VWA8: variants seen among roughly 807,000 people sequenced by gnomAD.
VWA8 encodes the protein von Willebrand factor A domain containing 8, also known as von Willebrand factor A domain-containing protein 8.
Under a neutral mutation model 241.5 loss-of-function variants are expected in VWA8, and 221 were observed. That is an observed-to-expected ratio of 0.91 (90% CI 0.82 to 1.02). The LOEUF (loss-of-function observed/expected upper bound fraction) is 1.02. VWA8 is among the 50% of genes least tolerant of loss of function. The probability of loss-of-function intolerance (pLI) is 0.00; values close to 1 mark genes in which losing one functional copy is unlikely to be tolerated. For synonymous variants in VWA8, 852 were observed against 827.1 expected (o/e 1.03, Z -0.52); for missense variants, 2,322 against 2,328.7 (o/e 1.00, Z 0.06).
intron 35 of VWA8, among the ~76,000 whole-genome samples, chr13:41,679,474 T>C (rs2137806589): frequency 6.6e-6 from 1 of 152,326 alleles, no homozygotes; most frequent in South Asian, 2.1e-4. Context: ...TTTTTGATTT[T>C]ACCCAAAGTT....
Position 41,874,410 on chromosome 13 carries a change from T to C in VWA8, c.1081-5933A>G, listed in dbSNP as rs796170145. Among the ~76,000 whole-genome samples the C allele has an allele frequency of 5.6e-4, 85 of 152,230 alleles. 5 individuals carry two copies. Among genetic ancestry groups the C allele is most frequent in the African/African-American group, 2.0e-3 (84 of 41,522 alleles). On this transcript the variant is annotated intron_variant, in intron 9 of 44. Transcript: ENST00000379310. ...AAGTCAAATTGTCTCTGTTTGCAGATGACATGACTGTATATCTAGAAAACC... is the reference window on the plus strand; with the variant it reads ...AAGTCAAATTGTCTCTGTTTGCAGACGACATGACTGTATATCTAGAAAACC...
At chr13:41,884,077 T>C (rs1361639396) in intron 8 of VWA8, among the ~76,000 whole-genome samples, 1 of 152,234 alleles carries the variant, frequency 6.6e-6, no homozygotes, top group Non-Finnish European at 1.5e-5. Flanking sequence ...ATACTATGGA[T>C]TACTGTTAAC....
chr13:41,849,136 G>A (rs1041930822), intron 12 of VWA8, among the ~76,000 whole-genome samples: 1 of 152,142 alleles, frequency 6.6e-6, no homozygotes, highest in African/African-American at 2.4e-5. Flanking sequence ...CTAACTATGA[G>A]ACTGGCTTTA....
intron 37 of VWA8, among the ~76,000 whole-genome samples, chr13:41,639,562 T>C (rs1172826888): frequency 6.6e-6 from 1 of 152,220 alleles, no homozygotes; most frequent in Non-Finnish European, 1.5e-5. Context: ...AATTACATAG[T>C]GTGTCTTTCA....
At chr13:41,951,619 T>C (rs988323485) in intron 1 of VWA8, among the ~76,000 whole-genome samples, 3 of 152,174 alleles carry the variant, frequency 2.0e-5, no homozygotes, top group African/African-American at 4.8e-5. Context: ...ACCATTTGCA[T>C]CTAGAATTTC....
At chr13:41,571,057 A>T (rs911774223) in intron 43 of VWA8, among the ~76,000 whole-genome samples, 4 of 152,216 alleles carry the variant, frequency 2.6e-5, no homozygotes, top group African/African-American at 9.6e-5. Context: ...GAAAATAAGG[A>T]ATGAGTTGAG....
At chr13:41,707,735 ATATGC>A (rs1488397758) in intron 26 of VWA8, among the ~76,000 whole-genome samples, 1 of 152,166 alleles carries the variant, frequency 6.6e-6, no homozygotes, top group Admixed American at 6.5e-5. Context: ...CTATTCCTGA[ATATGC>A]TATGCATTTT....
At chr13:41,721,272 G>C in intron 25 of VWA8, 98 bp downstream of exon 25, 1 of 1,200,718 alleles carries the variant, frequency 8.3e-7, no homozygotes, top group South Asian at 1.4e-5. Context: ...ACTCATTATT[G>C]TATTTATGGA....
intron 4 of VWA8, among the ~76,000 whole-genome samples, chr13:41,900,206 T>C (rs147582385): frequency 0.011 from 1,674 of 152,326 alleles, 33 homozygotes; most frequent in African/African-American, 0.039. Context: ...GGCTAGATAG[T>C]TGGAAGATTT....
chr13:41,587,602 A>T lies in VWA8; in HGVS notation c.5181T>A (p.Arg1727=). 6.2e-7 allele frequency: 1 copy of T among 1,614,168 alleles called. No individual in the cohort carries two copies. The highest frequency in any genetic ancestry group is 2.2e-5 in the East Asian group (1 of 44,880). The change falls in exon 42 of 45, where the codon CGT becomes CGA. Residue 1727 remains arginine, a synonymous_variant. Transcript: ENST00000379310. ...LVVDVSGSMY[R]FNRMDGRLER... is the part of the protein sequence containing the mutation. ...CAAGCCGGCCATCCATCCTGTTGAA[A>T]CGGTACATGCTACCAGACACATCTA...
chr13:41,925,669 G>T, intron 2 of VWA8: 1 of 188,368 alleles, frequency 5.3e-6, no homozygotes, highest in South Asian at 1.0e-4. Context: ...ATGAGCTGAA[G>T]AGATCCCTGA....
chr13:41,892,101 T>C (rs1566496839), intron 4 of VWA8, among the ~76,000 whole-genome samples: 1 of 152,136 alleles, frequency 6.6e-6, no homozygotes, highest in Non-Finnish European at 1.5e-5. Context: ...ATTACACACT[T>C]AGAAACAGAA....
chr13:41,823,785 G>A (rs898002999), intron 14 of VWA8, among the ~76,000 whole-genome samples: 12 of 152,252 alleles, frequency 7.9e-5, no homozygotes, highest in Admixed American at 2.6e-4. Context: ...AGAGCACTCC[G>A]GAGATCATCG....
intron 8 of VWA8, among the ~76,000 whole-genome samples, chr13:41,884,713 T>C (rs1874430057): frequency 1.3e-5 from 2 of 152,252 alleles, no homozygotes; most frequent in Non-Finnish European, 2.9e-5. Flanking sequence ...CAAAGTAAAA[T>C]GTTCTAAGCA....
At chr13:41,576,046 G>GGAGT (rs2044348750) in intron 42 of VWA8, among the ~76,000 whole-genome samples, 2 of 152,164 alleles carry the variant, frequency 1.3e-5, no homozygotes, top group African/African-American at 4.8e-5. Context: ...GCTAGAGCTG[G>GGAGT]GAGTCAAGTG....
chr13:41,960,418 C>G (rs1878555670), intron 1 of VWA8, among the ~76,000 whole-genome samples: 1 of 152,164 alleles, frequency 6.6e-6, no homozygotes, highest in South Asian at 2.1e-4. Context: ...CCTTCTAAGC[C>G]GCCACAAGCC....
At chr13:41,598,910 C>G (rs1216196960) in intron 40 of VWA8, among the ~76,000 whole-genome samples, 1 of 151,538 alleles carries the variant, frequency 6.6e-6, no homozygotes, top group Non-Finnish European at 1.5e-5. Context: ...TTGCATGGTA[C>G]TTAGTAAAGT....
At chr13:41,869,176 A>G (rs1329505454) in intron 9 of VWA8, among the ~76,000 whole-genome samples, 2 of 152,184 alleles carry the variant, frequency 1.3e-5, no homozygotes, top group Non-Finnish European at 2.9e-5. Context: ...AATCAATCGA[A>G]GTTAATGTGT....
intron 20 of VWA8, among the ~76,000 whole-genome samples, chr13:41,772,452 C>T (rs1053763250): frequency 2.5e-5 from 2 of 80,400 alleles, no homozygotes; most frequent in Non-Finnish European, 6.6e-5. Context: ...AAAAACAAAA[C>T]AAAACAAACA....
Sources: allele counts gnomAD v4.1 joint callset (sites outside exome capture counted in the v4.1 genomes callset), GRCh38; gene constraint gnomAD v4.1.1; transcripts MANE v1.5; gene names NCBI Gene and HGNC (gene_info 2026-07-23, HGNC 2026-07-21).